The following DCC variants were observed in gnomAD, a reference collection of about 807,000 sequenced individuals.
DCC encodes the protein DCC netrin 1 receptor, also known as netrin receptor DCC.
DCC carries 58 observed loss-of-function variants against 172.5 expected under a neutral mutation model. The observed-to-expected ratio is 0.34, with a 90% confidence interval of 0.27 to 0.42. DCC has a LOEUF of 0.42. Among genes scored for constraint, DCC ranks in the 10% least tolerant of loss-of-function variants. DCC has a pLI of 1.00. For missense variants in DCC, 1,740 were observed against 1,791.0 expected (o/e 0.97, Z 0.51); for synonymous variants, 709 against 644.5 (o/e 1.10, Z -1.52).
At chr18:52,481,868 T>G (rs1233854349) in intron 1 of DCC, among the ~76,000 whole-genome samples, 1 of 152,126 alleles carries the variant, frequency 6.6e-6, no homozygotes, top group African/African-American at 2.4e-5. Context: ...GATCATGTAT[T>G]ACTAAAATTA....
chr18:52,361,166 T>C (rs2144269793), intron 1 of DCC, among the ~76,000 whole-genome samples: 1 of 152,336 alleles, frequency 6.6e-6, no homozygotes, highest in Middle Eastern at 3.4e-3. Flanking sequence ...AATTTCTACC[T>C]AAAAAGATAT....
intron 15 of DCC, among the ~76,000 whole-genome samples, chr18:53,378,964 A>G (rs1195795236): frequency 5.9e-5 from 9 of 152,260 alleles, no homozygotes; most frequent in Admixed American, 6.5e-5. Flanking sequence ...GTAATGAAGT[A>G]GAATTGAATG....
intron 2 of DCC, among the ~76,000 whole-genome samples, chr18:52,856,762 G>A (rs975784663): frequency 3.3e-5 from 5 of 151,686 alleles, no homozygotes; most frequent in African/African-American, 9.7e-5. Flanking sequence ...TTTTTGAAAA[G>A]CATGTTAATA....
intron 1 of DCC, among the ~76,000 whole-genome samples, chr18:52,736,965 G>T (rs1018446974): frequency 9.2e-5 from 14 of 152,034 alleles, no homozygotes; most frequent in African/African-American, 3.4e-4. Context: ...CCTTACTTTG[G>T]CTTTCTGTCT....
At chr18:52,777,858 C>T (rs1359093942) in intron 2 of DCC, among the ~76,000 whole-genome samples, 1 of 151,912 alleles carries the variant, frequency 6.6e-6, no homozygotes, top group African/African-American at 2.4e-5. Context: ...TAAGAAATGC[C>T]AAGTGTATCT....
At chr18:53,519,792 T>G (rs985301619) in intron 27 of DCC, among the ~76,000 whole-genome samples, 2 of 152,144 alleles carry the variant, frequency 1.3e-5, no homozygotes, top group Non-Finnish European at 2.9e-5. Flanking sequence ...TCCCTGTAGC[T>G]ACAATCTAGA....
chr18:53,287,090 ATT>A (rs2056944467), intron 12 of DCC, among the ~76,000 whole-genome samples: 1 of 152,054 alleles, frequency 6.6e-6, no homozygotes, highest in Non-Finnish European at 1.5e-5. Flanking sequence ...ATTTTCTAAC[ATT>A]TTGTCACCCC....
At chr18:53,265,254 G>A (rs527688582) in intron 12 of DCC, among the ~76,000 whole-genome samples, 3 of 152,130 alleles carry the variant, frequency 2.0e-5, no homozygotes, top group Non-Finnish European at 4.4e-5. Flanking sequence ...ACAGCACTAA[G>A]CTTTCTTAGC....
At chr18:52,533,131 C>T (rs2032197892) in intron 1 of DCC, among the ~76,000 whole-genome samples, 1 of 152,056 alleles carries the variant, frequency 6.6e-6, no homozygotes. Context: ...CATATGTACC[C>T]TTTACCCTGT....
At chr18:52,899,122 A>T (rs765382639) in intron 2 of DCC, among the ~76,000 whole-genome samples, 3 of 152,090 alleles carry the variant, frequency 2.0e-5, no homozygotes, top group Admixed American at 6.5e-5. Context: ...CCTGAAAAAA[A>T]TCACTGCTTT....
chr18:52,827,597 C>A (rs2038535332), intron 2 of DCC, among the ~76,000 whole-genome samples: 1 of 152,206 alleles, frequency 6.6e-6, no homozygotes, highest in Non-Finnish European at 1.5e-5. Context: ...AATGCACCTG[C>A]ATAAATTCTC....
intron 21 of DCC, among the ~76,000 whole-genome samples, chr18:53,420,185 T>C (rs551207879): frequency 2.6e-5 from 4 of 152,302 alleles, no homozygotes; most frequent in Middle Eastern, 3.4e-3. Flanking sequence ...ATCAACTGCA[T>C]GACAACAGAT....
intron 14 of DCC, among the ~76,000 whole-genome samples, chr18:53,333,502 C>A (rs1321421412): frequency 1.3e-5 from 2 of 152,212 alleles, no homozygotes; most frequent in Non-Finnish European, 2.9e-5. Context: ...GTGGTGGCGA[C>A]TGTTTGCATT....
In DCC at chr18:52,927,136, C is replaced by T. The variant is rs796793282; in HGVS notation, c.985+1766C>T. Among the ~76,000 whole-genome samples, 51 of 19,840 alleles carry T rather than the reference C, an allele frequency of 2.6e-3. 11 individuals are homozygous for T. The highest frequency in any genetic ancestry group is 4.9e-3 in the Non-Finnish European group (29 of 5,870). The allele number at this position is 19,840 out of a possible 152,430, so 13.0% of individuals were successfully genotyped here. ...ATATACGTGTATATACACGTATATA[C>T]GTGTATATATGTGTATATATACGTA... is the stretch of plus-strand genomic sequence containing the variant. On this transcript the variant is annotated intron_variant, in intron 5 of 28. Transcript: ENST00000442544.
chr18:52,954,153 ACT>A (rs754074740), intron 5 of DCC, among the ~76,000 whole-genome samples: 11 of 152,122 alleles, frequency 7.2e-5, no homozygotes, highest in Non-Finnish European at 1.3e-4. Flanking sequence ...TTGCTGGCAT[ACT>A]CTCTTCATAA....
intron 1 of DCC, among the ~76,000 whole-genome samples, chr18:52,503,883 A>G (rs935201480): frequency 6.6e-6 from 1 of 152,038 alleles, no homozygotes; most frequent in East Asian, 1.9e-4. Context: ...CATCTACCCA[A>G]CCATCCTACA....
At chr18:53,093,924 G>T (rs1199639493) in intron 7 of DCC, among the ~76,000 whole-genome samples, 3 of 152,050 alleles carry the variant, frequency 2.0e-5, no homozygotes, top group Non-Finnish European at 2.9e-5. Context: ...CCTGTTTCCT[G>T]GCTGTTTCCT....
chr18:53,252,789 A>T (rs919379165), intron 12 of DCC, among the ~76,000 whole-genome samples: 2 of 152,108 alleles, frequency 1.3e-5, no homozygotes, highest in South Asian at 4.1e-4. Context: ...CTAAAGCCCT[A>T]AGTTGGGTTA....
chr18:52,456,455 G>T (rs1321207629), intron 1 of DCC, among the ~76,000 whole-genome samples: 1 of 152,060 alleles, frequency 6.6e-6, no homozygotes. Context: ...ATATAGTAAA[G>T]GTTATTCAAA....
Sources: gnomAD v4.1 joint callset for allele counts (sites outside exome capture counted in the v4.1 genomes callset) on GRCh38, gnomAD v4.1.1 for gene constraint, MANE v1.5 for transcripts, NCBI Gene and HGNC (gene_info 2026-07-23, HGNC 2026-07-21) for gene names.